The following ASTN2 variants were observed in gnomAD, a reference collection of about 807,000 sequenced individuals.
ASTN2 encodes astrotactin-2.
In ASTN2, 54 loss-of-function variants were observed where a neutral mutation model predicts 139.8. That is an observed-to-expected ratio of 0.39 (90% CI 0.31 to 0.48). The LOEUF is 0.48. Ranked by LOEUF, ASTN2 falls within the 20% of genes least tolerant of loss-of-function variation. ASTN2 has a pLI of 0.95. For synonymous variants in ASTN2, 756 were observed against 719.5 expected, an observed-to-expected ratio of 1.05 and a Z score of -0.81; for missense variants, 1,565 against 1,725.1, an observed-to-expected ratio of 0.91 and a Z score of 1.64.
At chr9:116,543,735 T>A (rs1057044446) in intron 19 of ASTN2, 3 of 152,158 alleles carry the variant, frequency 2.0e-5, no homozygotes, top group African/African-American at 7.2e-5. Context: ...AATTTTGTTT[T>A]CCTCTCATGT....
At chr9:117,225,535 G>GTATATATATATATATATATATA (rs58184768) in intron 2 of ASTN2, among the ~76,000 whole-genome samples, 9 of 63,960 alleles carry the variant, frequency 1.4e-4, no homozygotes, top group African/African-American at 3.9e-4. Context: ...CAAGCTGTAT[G>GTATATATATATATATATATATA]TATATATATA....
chr9:117,260,244 A>G (rs1186844130), intron 2 of ASTN2, among the ~76,000 whole-genome samples: 6 of 152,160 alleles, frequency 3.9e-5, no homozygotes, highest in Non-Finnish European at 8.8e-5. Context: ...CAACTGCTAT[A>G]TATACTGGAC....
At chr9:116,740,945 T>A (rs1265563350) in intron 13 of ASTN2, among the ~76,000 whole-genome samples, 1 of 151,516 alleles carries the variant, frequency 6.6e-6, no homozygotes, top group African/African-American at 2.4e-5. Flanking sequence ...TTGAACCATG[T>A]GTAATAGAAG....
intron 10 of ASTN2, among the ~76,000 whole-genome samples, chr9:116,891,070 G>A (rs1481131115): frequency 2.0e-5 from 3 of 152,156 alleles, no homozygotes; most frequent in African/African-American, 7.2e-5. Context: ...CCAAATGCCT[G>A]GTGCTGATGT....
At chr9:116,617,806 C>T (rs1042342754) in intron 19 of ASTN2, among the ~76,000 whole-genome samples, 3 of 152,148 alleles carry the variant, frequency 2.0e-5, no homozygotes, top group Non-Finnish European at 2.9e-5. Context: ...TAGAAGAACT[C>T]GGAAATAATG....
chr9:117,009,972 T>C (rs542880296), intron 6 of ASTN2, among the ~76,000 whole-genome samples: 1 of 152,170 alleles, frequency 6.6e-6, no homozygotes, highest in East Asian at 1.9e-4. Flanking sequence ...TGGCAATGAT[T>C]ATCTTCTCTA....
chr9:116,577,434 G>C (rs1391102520), intron 19 of ASTN2, among the ~76,000 whole-genome samples: 1 of 142,456 alleles, frequency 7.0e-6, no homozygotes, highest in Admixed American at 6.8e-5. Flanking sequence ...CTGGGGGGCT[G>C]AGGCAGGATC....
At position 116,548,415 on chromosome 9, in the gene ASTN2, G is replaced by A. The variant is rs138359690; in HGVS notation, c.3356-60915C>T. On this transcript the variant is annotated intron_variant, in intron 19 of 22. Transcript: ENST00000313400. ...TTTACTAAACGGCAGCTGCTTCTATGTCAGTAATTCTTTACCCTGGCTGCA... is the reference window on the plus strand; with the variant it reads ...TTTACTAAACGGCAGCTGCTTCTATATCAGTAATTCTTTACCCTGGCTGCA... 2.7e-3 allele frequency among the ~76,000 whole-genome samples: 405 copies of A among 152,290 alleles called. 8 individuals are homozygous for A. Among genetic ancestry groups the A allele is most frequent in the Admixed American group, 0.018 (269 of 15,298 alleles).
intron 1 of ASTN2, among the ~76,000 whole-genome samples, chr9:117,373,331 T>G (rs1399908472): frequency 6.6e-6 from 1 of 152,160 alleles, no homozygotes; most frequent in Non-Finnish European, 1.5e-5. Context: ...TTAATGACAT[T>G]TTATTATTTG....
chr9:117,412,012 C>CT (rs1054817407), intron 1 of ASTN2, among the ~76,000 whole-genome samples: 2 of 149,976 alleles, frequency 1.3e-5, no homozygotes, highest in African/African-American at 4.9e-5. Context: ...ACCCCTCCCC[C>CT]CCCCAACCCC....
At chr9:117,247,024 A>G (rs569177490) in intron 2 of ASTN2, among the ~76,000 whole-genome samples, 1 of 152,282 alleles carries the variant, frequency 6.6e-6, no homozygotes, top group South Asian at 2.1e-4. Context: ...GTTTCAATTT[A>G]CCAGTTGAAA....
At chr9:116,795,797 G>A (rs1830674409) in intron 13 of ASTN2, among the ~76,000 whole-genome samples, 1 of 152,222 alleles carries the variant, frequency 6.6e-6, no homozygotes, top group Non-Finnish European at 1.5e-5. Context: ...GGATCCTACT[G>A]TGTGCTGGGA....
chr9:116,615,830 A>G (rs902136179), intron 19 of ASTN2, among the ~76,000 whole-genome samples: 3 of 152,046 alleles, frequency 2.0e-5, no homozygotes, highest in Admixed American at 6.6e-5. Flanking sequence ...CATATGTAAA[A>G]AACCTGCACG....
intron 2 of ASTN2, among the ~76,000 whole-genome samples, chr9:117,259,355 G>A (rs768655223): frequency 3.9e-5 from 6 of 151,998 alleles, no homozygotes; most frequent in Admixed American, 1.3e-4. Flanking sequence ...CCCTCCTCTC[G>A]GCCAAGGGCA....
chr9:116,729,009 G>T lies in ASTN2; in HGVS notation c.2609C>A (p.Thr870Asn), dbSNP rs780310812. The T allele has an allele frequency of 6.3e-7, 1 of 1,585,364 alleles. No individual in the cohort carries two copies. Among genetic ancestry groups the T allele is most frequent in the Non-Finnish European group, 8.6e-7 (1 of 1,164,690 alleles). ...RSNLYRVKLSTITLAAGFTNV... is the reference protein window; with the variant it reads ...RSNLYRVKLSNITLAAGFTNV... ...GTCCTCACCTGCTGCGAGGGTGATG[G>T]TGCTGAGCTTCACACGGTAGAGGTT... Residue 870 changes from threonine to asparagine, a missense_variant, in exon 15 of 23, where the codon ACC (threonine) becomes AAC (asparagine). By Grantham distance (65) the Thr-to-Asn change is moderately conservative. Around this residue, in one of 4 missense-constraint regions of ASTN2, gnomAD observed 503 missense variants for 591.7 expected, o/e 0.85. Transcript: ENST00000313400.
intron 7 of ASTN2, among the ~76,000 whole-genome samples, chr9:116,979,702 G>A (rs1836454942): frequency 6.6e-6 from 1 of 152,066 alleles, no homozygotes; most frequent in Non-Finnish European, 1.5e-5. Context: ...GAGGTAAAAT[G>A]GTTACCTCTG....
At chr9:116,905,875 G>C in intron 10 of ASTN2, among the ~76,000 whole-genome samples, 1 of 139,190 alleles carries the variant, frequency 7.2e-6, no homozygotes, top group African/African-American at 2.8e-5. Context: ...TTGGGGGGGG[G>C]TGCGGGGGGT....
At chr9:116,728,669 G>C (rs1828697223) in intron 15 of ASTN2, among the ~76,000 whole-genome samples, 1 of 152,050 alleles carries the variant, frequency 6.6e-6, no homozygotes, top group South Asian at 2.1e-4. Flanking sequence ...ACATAAATAT[G>C]ACTTAGATAC....
At chr9:116,648,370 T>C (rs1857716643) in intron 17 of ASTN2, among the ~76,000 whole-genome samples, 1 of 152,018 alleles carries the variant, frequency 6.6e-6, no homozygotes, top group Non-Finnish European at 1.5e-5. Flanking sequence ...GGGCTCAAGC[T>C]ATCCTCTCAC....
Sources: allele counts gnomAD v4.1 joint callset (sites outside exome capture counted in the v4.1 genomes callset), GRCh38; gene constraint gnomAD v4.1.1; regional missense constraint gnomAD v4.1.1; transcripts MANE v1.5; gene names NCBI Gene and HGNC (gene_info 2026-07-23, HGNC 2026-07-21).